PTPRT: variants seen among roughly 807,000 people sequenced by gnomAD.
PTPRT encodes protein tyrosine phosphatase receptor type T, also known as receptor-type tyrosine-protein phosphatase T.
In PTPRT, 56 loss-of-function variants were observed where a neutral mutation model predicts 176.8. The observed-to-expected ratio is 0.32, with a 90% CI of 0.26 to 0.40. PTPRT has a LOEUF of 0.40. PTPRT is among the 10% of genes least tolerant of loss of function. The pLI is 1.00. For synonymous variants in PTPRT, 783 were observed against 739.0 expected (o/e 1.06, Z -0.96); for missense variants, 1,540 against 1,908.2 (o/e 0.81, Z 3.60).
intron 15 of PTPRT, among the ~76,000 whole-genome samples, chr20:42,219,103 C>T (rs1315868097): frequency 2.0e-5 from 3 of 152,124 alleles, no homozygotes; most frequent in South Asian, 4.1e-4. Context: ...ACTAGGAAGG[C>T]GGCTGGTCTG....
At chr20:42,777,436 G>A (rs1038401217) in intron 4 of PTPRT, among the ~76,000 whole-genome samples, 8 of 151,996 alleles carry the variant, frequency 5.3e-5, no homozygotes, top group Admixed American at 4.6e-4. Context: ...CCCAGCCCAG[G>A]TCACATTTTC....
At chr20:42,484,893 C>T (rs1051546318) in intron 7 of PTPRT, among the ~76,000 whole-genome samples, 2 of 152,178 alleles carry the variant, frequency 1.3e-5, no homozygotes, top group African/African-American at 4.8e-5. Flanking sequence ...ATCTGATGTC[C>T]TCCTAGCTGC....
chr20:42,713,861 G>T (rs1248886480), intron 6 of PTPRT, among the ~76,000 whole-genome samples: 2 of 152,148 alleles, frequency 1.3e-5, no homozygotes, highest in African/African-American at 4.8e-5. Context: ...CATGTGACAT[G>T]CCTGCTTCCC....
chr20:42,624,282 G>A (rs2145867954), intron 7 of PTPRT, among the ~76,000 whole-genome samples: 1 of 152,292 alleles, frequency 6.6e-6, no homozygotes, highest in African/African-American at 2.4e-5. Context: ...GCTATTCACA[G>A]TCTATAAAAA....
intron 1 of PTPRT, among the ~76,000 whole-genome samples, chr20:43,087,448 C>T (rs957820664): frequency 2.7e-5 from 4 of 150,308 alleles, no homozygotes; most frequent in Non-Finnish European, 5.9e-5. Flanking sequence ...ACTGCAACCT[C>T]CACCTCTCAG....
chr20:42,038,197 C>T, the PTPRT span, among the ~76,000 whole-genome samples: 10 of 152,202 alleles, frequency 6.6e-5, no homozygotes, highest in South Asian at 2.1e-4. Context: ...TGCTTTAATC[C>T]GCCCAGCAAC....
chr20:42,667,781 G>T (rs775050820), intron 7 of PTPRT, among the ~76,000 whole-genome samples: 23 of 152,206 alleles, frequency 1.5e-4, no homozygotes, highest in Admixed American at 7.2e-4. Flanking sequence ...GGGCAGTAGT[G>T]CAGTCTCCTT....
chr20:42,571,835 C>T (rs2073160290), intron 7 of PTPRT, among the ~76,000 whole-genome samples: 1 of 152,160 alleles, frequency 6.6e-6, no homozygotes, highest in Non-Finnish European at 1.5e-5. Flanking sequence ...CTCACCTCCC[C>T]TGGAAAGAAT....
intron 2 of PTPRT, among the ~76,000 whole-genome samples, chr20:42,825,121 C>T (rs190056249): frequency 1.3e-5 from 2 of 152,152 alleles, no homozygotes; most frequent in African/African-American, 4.8e-5. Flanking sequence ...TACCAGTTGT[C>T]TCAATGATTT....
intron 11 of PTPRT, among the ~76,000 whole-genome samples, chr20:42,325,055 A>T (rs1435354440): frequency 1.3e-5 from 2 of 152,192 alleles, no homozygotes; most frequent in African/African-American, 4.8e-5. Context: ...TTTGAATGCA[A>T]CCTGGCCACT....
chr20:42,816,479 T>A (rs1350611554), intron 2 of PTPRT, among the ~76,000 whole-genome samples: 1 of 152,154 alleles, frequency 6.6e-6, no homozygotes, highest in East Asian at 1.9e-4. Context: ...CACCCAAATC[T>A]CATCTTGAAT....
chr20:42,300,587 T>C (rs1049819813), intron 12 of PTPRT, among the ~76,000 whole-genome samples: 9 of 151,872 alleles, frequency 5.9e-5, no homozygotes, highest in Non-Finnish European at 1.0e-4. Flanking sequence ...TACTGAAGTA[T>C]AACCAACTGA....
chr20:43,071,734 A>T (rs1275634895), intron 1 of PTPRT, among the ~76,000 whole-genome samples: 1 of 152,212 alleles, frequency 6.6e-6, no homozygotes, highest in Admixed American at 6.5e-5. Flanking sequence ...GCAGTGAGCC[A>T]AGATCGTGCC....
chr20:42,647,520 C>T (rs143152044), intron 7 of PTPRT, among the ~76,000 whole-genome samples: 18 of 152,286 alleles, frequency 1.2e-4, no homozygotes, highest in African/African-American at 4.1e-4. Context: ...CCAGCTGTGA[C>T]AGCTAATAGA....
At chr20:42,822,789 A>G (rs1246580448) in intron 2 of PTPRT, among the ~76,000 whole-genome samples, 2 of 152,226 alleles carry the variant, frequency 1.3e-5, no homozygotes, top group African/African-American at 4.8e-5. Context: ...ACAAACATGA[A>G]AAAAAGCTCA....
chr20:42,782,851 G>A (rs2077234266), intron 3 of PTPRT, among the ~76,000 whole-genome samples: 1 of 152,072 alleles, frequency 6.6e-6, no homozygotes, highest in Non-Finnish European at 1.5e-5. Flanking sequence ...TGGTCATTTA[G>A]AAAAAACACA....
intron 2 of PTPRT, among the ~76,000 whole-genome samples, chr20:42,850,782 C>T (rs1489684119): frequency 6.6e-6 from 1 of 152,170 alleles, no homozygotes; most frequent in Non-Finnish European, 1.5e-5. Context: ...TCCTGGAGCT[C>T]ACTTTGGAGC....
At chr20:42,942,670 C>A (rs377543592) in intron 1 of PTPRT, among the ~76,000 whole-genome samples, 1 of 152,174 alleles carries the variant, frequency 6.6e-6, no homozygotes, top group East Asian at 1.9e-4. Flanking sequence ...TGGGTTTACA[C>A]AGGCTAAGTT....
chr20:43,004,629 C>T (rs1425939218), intron 1 of PTPRT, among the ~76,000 whole-genome samples: 1 of 152,060 alleles, frequency 6.6e-6, no homozygotes. Context: ...AGAATATATC[C>T]ATAGAAAATA....
Sources: gnomAD v4.1 joint callset for allele counts (sites outside exome capture counted in the v4.1 genomes callset) on GRCh38, gnomAD v4.1.1 for gene constraint, MANE v1.5 for transcripts, NCBI Gene and HGNC (gene_info 2026-07-23, HGNC 2026-07-21) for gene names.